Variants in WWTR1 observed in about 807,000 individuals in gnomAD.
The protein encoded by WWTR1 is WW domain-containing transcription regulator protein 1.
Under a neutral mutation model 40.1 loss-of-function variants are expected in WWTR1, and 13 were observed. That is an observed-to-expected ratio of 0.32 (90% CI 0.21 to 0.52). The LOEUF is 0.52. Among genes scored for constraint, WWTR1 ranks in the 20% least tolerant of loss-of-function variants. WWTR1 has a pLI of 0.97. For missense variants in WWTR1, 436 were observed against 523.1 expected (o/e 0.83, Z 1.63); for synonymous variants, 230 against 210.1 (o/e 1.09, Z -0.82).
At chr3:149,582,033 T>G (rs2108014032) in intron 2 of WWTR1, among the ~76,000 whole-genome samples, 1 of 152,170 alleles carries the variant, frequency 6.6e-6, no homozygotes, top group East Asian at 1.9e-4. Flanking sequence ...GAAAAAAAAG[T>G]GGCACTGTGA....
intron 1 of WWTR1, among the ~76,000 whole-genome samples, chr3:149,674,249 C>G (rs1418824862): frequency 1.3e-5 from 2 of 150,490 alleles, no homozygotes; most frequent in East Asian, 4.0e-4. Flanking sequence ...CTCTCTCTCT[C>G]TCTGTCTGTC....
chr3:149,668,938 G>C (rs73000020), intron 2 of WWTR1, among the ~76,000 whole-genome samples: 3,177 of 152,224 alleles, frequency 0.021, 108 homozygotes, highest in African/African-American at 0.071. Flanking sequence ...TTTCAACCTT[G>C]CTAATGAATC....
intron 1 of WWTR1, chr3:149,670,836 C>T (rs2108191000): frequency 6.6e-6 from 1 of 152,176 alleles, no homozygotes; most frequent in Admixed American, 6.5e-5. Context: ...GAATATCGAT[C>T]CAGTCTGGGA....
At chr3:149,593,521 C>G (rs1484180931) in intron 2 of WWTR1, among the ~76,000 whole-genome samples, 1 of 151,994 alleles carries the variant, frequency 6.6e-6, no homozygotes, top group Admixed American at 6.6e-5. Flanking sequence ...AAGGGTTGCT[C>G]TTTTCCTGAT....
intron 1 of WWTR1, among the ~76,000 whole-genome samples, chr3:149,688,662 C>T (rs950600383): frequency 7.9e-5 from 12 of 152,092 alleles, no homozygotes; most frequent in Admixed American, 2.0e-4. Flanking sequence ...AAAACATTCT[C>T]GAGAAATGTG....
At chr3:149,576,359 C>G (rs906830188) in intron 2 of WWTR1, 2 of 307,354 alleles carry the variant, frequency 6.5e-6, no homozygotes, top group African/African-American at 4.3e-5. Flanking sequence ...ACCCAGGATA[C>G]GCCATTCACT....
chr3:149,549,869 A>C (rs1736538575), intron 3 of WWTR1, among the ~76,000 whole-genome samples: 1 of 152,094 alleles, frequency 6.6e-6, no homozygotes, highest in Non-Finnish European at 1.5e-5. Context: ...ACAAAACAAA[A>C]CAAAACAAAA....
chr3:149,532,650 G>C (rs1428539006), intron 4 of WWTR1, among the ~76,000 whole-genome samples: 1 of 152,084 alleles, frequency 6.6e-6, no homozygotes, highest in East Asian at 1.9e-4. Context: ...AAAACCCGAG[G>C]TCTGAAAATA....
At chr3:149,554,416 G>A (rs1298872236) in intron 3 of WWTR1, among the ~76,000 whole-genome samples, 1 of 152,138 alleles carries the variant, frequency 6.6e-6, no homozygotes, top group African/African-American at 2.4e-5. Flanking sequence ...TTAGCACCAG[G>A]AAATGATTTT....
intron 1 of WWTR1, among the ~76,000 whole-genome samples, chr3:149,685,949 A>G (rs1294600579): frequency 6.6e-6 from 1 of 152,164 alleles, no homozygotes; most frequent in Non-Finnish European, 1.5e-5. Context: ...CCACAATGCA[A>G]AAAAATGCTA....
intron 2 of WWTR1, among the ~76,000 whole-genome samples, chr3:149,620,887 G>C (rs1740237208): frequency 6.6e-6 from 1 of 152,208 alleles, no homozygotes; most frequent in Non-Finnish European, 1.5e-5. Context: ...CTTTTCAACT[G>C]TAGTGTCCTA....
chr3:149,656,645 C>T (rs1713218635), intron 2 of WWTR1, among the ~76,000 whole-genome samples: 1 of 152,044 alleles, frequency 6.6e-6, no homozygotes, highest in East Asian at 1.9e-4. Context: ...TGAACTTCAC[C>T]ACTGCTTCTG....
At chr3:149,638,236 G>T (rs1247367111) in intron 2 of WWTR1, among the ~76,000 whole-genome samples, 1 of 151,952 alleles carries the variant, frequency 6.6e-6, no homozygotes, top group African/African-American at 2.4e-5. Flanking sequence ...GAAAAGAAAA[G>T]AAAAGAGGCA....
intron 5 of WWTR1, among the ~76,000 whole-genome samples, chr3:149,711,161 T>TAAA (rs1237527926): frequency 1.7e-5 from 2 of 114,962 alleles, no homozygotes; most frequent in African/African-American, 3.1e-5. Flanking sequence ...ACACACTTGC[T>TAAA]AAAAAAAAAA....
At chr3:149,624,366 G>T (rs1244815774) in intron 2 of WWTR1, among the ~76,000 whole-genome samples, 1 of 152,222 alleles carries the variant, frequency 6.6e-6, no homozygotes, top group African/African-American at 2.4e-5. Context: ...TGAAGTCCCT[G>T]GATCTGGAGC....
intron 2 of WWTR1, among the ~76,000 whole-genome samples, chr3:149,599,276 G>C (rs1739138964): frequency 6.6e-6 from 1 of 152,214 alleles, no homozygotes; most frequent in African/African-American, 2.4e-5. Flanking sequence ...GTCTCAAAAG[G>C]ATAAGCTTAT....
intron 5 of WWTR1, among the ~76,000 whole-genome samples, chr3:149,710,150 C>A (rs1329554275): frequency 6.6e-6 from 1 of 152,148 alleles, no homozygotes; most frequent in Non-Finnish European, 1.5e-5. Context: ...TAGTTCACAC[C>A]ATCATGTGGC....
chr3:149,564,052 C>T (rs1012932297), intron 3 of WWTR1, among the ~76,000 whole-genome samples: 8 of 152,182 alleles, frequency 5.3e-5, no homozygotes, highest in Non-Finnish European at 1.0e-4. Context: ...CTGCACTTGG[C>T]CTTAACATAC....
chr3:149,614,812 G>A (rs964847872), intron 2 of WWTR1, among the ~76,000 whole-genome samples: 4 of 152,070 alleles, frequency 2.6e-5, no homozygotes, highest in African/African-American at 9.7e-5. Context: ...GTGAAACCCT[G>A]TCTCTACTAA....
Sources: gnomAD v4.1 joint callset for allele counts (sites outside exome capture counted in the v4.1 genomes callset) on GRCh38, gnomAD v4.1.1 for gene constraint, MANE v1.5 for transcripts, NCBI Gene and HGNC (gene_info 2026-07-23, HGNC 2026-07-21) for gene names.